The following MEI4 variants were observed in gnomAD, a reference collection of about 807,000 sequenced individuals.
The protein encoded by MEI4 is meiosis-specific protein MEI4.
MEI4 carries 27 observed loss-of-function variants against 31.4 expected under a neutral mutation model. The observed-to-expected ratio is 0.86, with a 90% CI of 0.63 to 1.19. The LOEUF is 1.19. Among genes scored for constraint, MEI4 ranks in the 50% most tolerant of loss-of-function variants. MEI4 has a pLI of 0.00. For missense variants in MEI4, 329 were observed against 398.9 expected (o/e 0.82, Z 1.49); for synonymous variants, 122 against 145.4 (o/e 0.84, Z 1.16).
At chr6:77,782,102 C>G (rs1157266178) in intron 3 of MEI4, among the ~76,000 whole-genome samples, 1 of 152,008 alleles carries the variant, frequency 6.6e-6, no homozygotes, top group East Asian at 1.9e-4. Flanking sequence ...CACTGGGACT[C>G]AGAATGGAGA....
At chr6:77,690,550 T>C in intron 1 of MEI4, 108 bp from the exon 2 acceptor site, 1 of 480,596 alleles carries the variant, frequency 2.1e-6, no homozygotes. Flanking sequence ...CCAAGTCTTA[T>C]TATAAACTTA....
chr6:77,783,027 CAA>C (rs1413454154), intron 3 of MEI4, among the ~76,000 whole-genome samples: 5 of 152,042 alleles, frequency 3.3e-5, no homozygotes, highest in Non-Finnish European at 5.9e-5. Flanking sequence ...TGTTTGTGGT[CAA>C]CTGCAGCTTT....
intron 1 of MEI4, among the ~76,000 whole-genome samples, chr6:77,654,085 A>T (rs184724940): frequency 8.1e-4 from 124 of 152,360 alleles, no homozygotes; most frequent in Non-Finnish European, 1.6e-3. Flanking sequence ...GCAATGATAC[A>T]TGAATGAGTG....
At chr6:77,785,844 A>T (rs970203491) in intron 3 of MEI4, among the ~76,000 whole-genome samples, 1 of 152,170 alleles carries the variant, frequency 6.6e-6, no homozygotes, top group African/African-American at 2.4e-5. Context: ...ATAAATAGTC[A>T]TCAGCTTTGT....
chr6:77,687,637 T>A (rs757675731), intron 1 of MEI4, among the ~76,000 whole-genome samples: 2 of 151,950 alleles, frequency 1.3e-5, no homozygotes, highest in Non-Finnish European at 2.9e-5. Context: ...ACCCTTCTAG[T>A]CAGGCTTGAT....
intron 4 of MEI4, among the ~76,000 whole-genome samples, chr6:77,850,507 A>T (rs142638160): frequency 2.2e-3 from 338 of 152,314 alleles, no homozygotes; most frequent in African/African-American, 7.4e-3. Context: ...CTGATCTCCG[A>T]CAAACCTGAC....
intron 1 of MEI4, among the ~76,000 whole-genome samples, chr6:77,679,551 C>T (rs1768912796): frequency 1.3e-5 from 2 of 149,902 alleles, no homozygotes; most frequent in Admixed American, 1.3e-4. Flanking sequence ...TGGAAGGTAT[C>T]CTCATTATTA....
intron 3 of MEI4, among the ~76,000 whole-genome samples, chr6:77,790,113 A>T (rs1768875638): frequency 6.6e-6 from 1 of 151,858 alleles, no homozygotes; most frequent in Non-Finnish European, 1.5e-5. Context: ...TAGGGACATG[A>T]ATGAAGCTGG....
chr6:77,657,920 T>A (rs568837158), intron 1 of MEI4, among the ~76,000 whole-genome samples: 1 of 152,356 alleles, frequency 6.6e-6, no homozygotes, highest in African/African-American at 2.4e-5. Flanking sequence ...CCACACTAGT[T>A]TATTTCTTTG....
intron 2 of MEI4, among the ~76,000 whole-genome samples, chr6:77,694,617 A>G (rs1765967517): frequency 6.6e-6 from 1 of 152,108 alleles, no homozygotes; most frequent in African/African-American, 2.4e-5. Context: ...GCTGCATAGT[A>G]TTCCATGGTG....
chr6:77,823,670 T>G (rs200808943), intron 3 of MEI4, among the ~76,000 whole-genome samples: 4 of 80,358 alleles, frequency 5.0e-5, no homozygotes, highest in East Asian at 5.9e-4. Flanking sequence ...TTGGTTGGTT[T>G]GTTTTATTCT....
chr6:77,667,214 AT>A (rs758482247), intron 1 of MEI4, among the ~76,000 whole-genome samples: 61 of 152,200 alleles, frequency 4.0e-4, no homozygotes, highest in Non-Finnish European at 7.2e-4. Flanking sequence ...AAATGAGTAA[AT>A]GAATATAAAG....
chr6:77,801,957 G>T (rs942333272), intron 3 of MEI4, among the ~76,000 whole-genome samples: 9 of 152,178 alleles, frequency 5.9e-5, no homozygotes, highest in Admixed American at 3.3e-4. Flanking sequence ...TTAATTTGGG[G>T]TGGAGAGTTC....
intron 4 of MEI4, among the ~76,000 whole-genome samples, chr6:77,910,074 G>A: frequency 6.6e-6 from 1 of 152,034 alleles, no homozygotes; most frequent in Non-Finnish European, 1.5e-5. Flanking sequence ...AATAAGTGCT[G>A]TCTATGACAA....
intron 1 of MEI4, among the ~76,000 whole-genome samples, chr6:77,685,073 A>C (rs1392281034): frequency 6.6e-6 from 1 of 152,122 alleles, no homozygotes; most frequent in African/African-American, 2.4e-5. Context: ...ATCTAATTGT[A>C]GTTTTGATTT....
At chr6:77,877,256 T>G (rs1007867350) in intron 4 of MEI4, among the ~76,000 whole-genome samples, 1 of 151,714 alleles carries the variant, frequency 6.6e-6, no homozygotes, top group Admixed American at 6.6e-5. Context: ...TGTGTGTGTG[T>G]GGGTATGTGT....
intron 3 of MEI4, among the ~76,000 whole-genome samples, chr6:77,777,038 TG>T (rs1314047783): frequency 6.6e-6 from 1 of 152,144 alleles, no homozygotes; most frequent in Non-Finnish European, 1.5e-5. Flanking sequence ...AAATATATAC[TG>T]GGGGTAAAGT....
At chr6:77,788,267 C>T (rs1057191966) in intron 3 of MEI4, among the ~76,000 whole-genome samples, 4 of 152,144 alleles carry the variant, frequency 2.6e-5, no homozygotes, top group Admixed American at 2.6e-4. Context: ...ATAATAAGAG[C>T]TATCTATGAG....
At chr6:77,738,007 G>C (rs1168640914) in intron 2 of MEI4, among the ~76,000 whole-genome samples, 1 of 152,206 alleles carries the variant, frequency 6.6e-6, no homozygotes, top group African/African-American at 2.4e-5. Flanking sequence ...TAGAAATACA[G>C]ATAAGAAAGT....
Sources: gnomAD v4.1 joint callset for allele counts (sites outside exome capture counted in the v4.1 genomes callset) on GRCh38, gnomAD v4.1.1 for gene constraint, MANE v1.5 for transcripts, NCBI Gene and HGNC (gene_info 2026-07-23, HGNC 2026-07-21) for gene names.